The following SORL1 variants were observed in gnomAD, a reference collection of about 807,000 sequenced individuals.
SORL1 encodes sortilin related receptor 1.
In SORL1, 127 loss-of-function variants were observed where a neutral mutation model predicts 273.7. The observed-to-expected ratio is 0.46, with a 90% CI of 0.40 to 0.54. The LOEUF is 0.54. Ranked by LOEUF, SORL1 falls within the 20% of genes least tolerant of loss-of-function variation. SORL1 has a pLI of 0.00. For missense variants in SORL1, 2,494 were observed against 2,846.1 expected (o/e 0.88, Z 2.81); for synonymous variants, 1,031 against 1,067.4 (o/e 0.97, Z 0.66).
intron 2 of SORL1, among the ~76,000 whole-genome samples, chr11:121,472,694 A>G (rs1487778285): frequency 4.6e-5 from 7 of 152,182 alleles, no homozygotes; most frequent in Admixed American, 1.3e-4. Context: ...GAAGTGGGAT[A>G]CACTATTGTG....
chr11:121,530,180 A>G (rs1189800358), intron 11 of SORL1, among the ~76,000 whole-genome samples: 1 of 152,232 alleles, frequency 6.6e-6, no homozygotes, highest in African/African-American at 2.4e-5. Flanking sequence ...TTTGCTTCAA[A>G]TTATCATATG....
At chr11:121,468,488 T>A (rs1344055103) in intron 1 of SORL1, among the ~76,000 whole-genome samples, 3 of 152,188 alleles carry the variant, frequency 2.0e-5, no homozygotes, top group Non-Finnish European at 4.4e-5. Context: ...TAGCTCAACC[T>A]TGGCTCACTG....
intron 2 of SORL1, among the ~76,000 whole-genome samples, chr11:121,471,318 T>G (rs1389778845): frequency 6.6e-6 from 1 of 152,196 alleles, no homozygotes; most frequent in African/African-American, 2.4e-5. Flanking sequence ...GTCTGGAGTT[T>G]CATGTGAAAA....
chr11:121,555,064 C>T (rs1340775179), intron 17 of SORL1, 123 bp from the exon 18 acceptor site: 33 of 1,056,686 alleles, frequency 3.1e-5, no homozygotes, highest in African/African-American at 6.5e-5. Context: ...AGTTTACTAA[C>T]GTAAAACATC....
At chr11:121,562,056 A>G (rs1011911217) in intron 21 of SORL1, among the ~76,000 whole-genome samples, 12 of 152,074 alleles carry the variant, frequency 7.9e-5, no homozygotes, top group African/African-American at 2.9e-4. Flanking sequence ...GGACACTGAT[A>G]GGACACTTGC....
At chr11:121,477,377 G>A (rs977496316) in intron 2 of SORL1, among the ~76,000 whole-genome samples, 1 of 152,168 alleles carries the variant, frequency 6.6e-6, no homozygotes, top group African/African-American at 2.4e-5. Context: ...AATTAGATAC[G>A]TTTTGGGCAC....
intron 1 of SORL1, among the ~76,000 whole-genome samples, chr11:121,468,965 G>A (rs1861130302): frequency 6.6e-6 from 1 of 152,218 alleles, no homozygotes; most frequent in East Asian, 1.9e-4. Flanking sequence ...TCTAGATAGT[G>A]GTCATATTGC....
intron 41 of SORL1, 25 bp downstream of exon 41, chr11:121,615,080 C>A: frequency 1.3e-6 from 2 of 1,572,366 alleles, no homozygotes; most frequent in South Asian, 1.2e-5. Context: ...ATGACCATCA[C>A]AAAGTGAGTG....
At chr11:121,559,873 T>C (rs1314366723) in intron 21 of SORL1, among the ~76,000 whole-genome samples, 2 of 152,222 alleles carry the variant, frequency 1.3e-5, no homozygotes, top group Non-Finnish European at 2.9e-5. Flanking sequence ...CCTAGAGTGT[T>C]GGTGCTTGGT....
At chr11:121,628,728 A>G (rs1863834001) in intron 47 of SORL1, 1 of 152,240 alleles carries the variant, frequency 6.6e-6, no homozygotes. Flanking sequence ...GCTTCCCCAA[A>G]CTTAGACTAA....
intron 1 of SORL1, among the ~76,000 whole-genome samples, chr11:121,469,173 G>C (rs1861133885): frequency 1.3e-5 from 2 of 152,142 alleles, no homozygotes; most frequent in African/African-American, 4.8e-5. Context: ...TGCGGATGGG[G>C]AAAGAAAAGA....
rs761755708 is a variant in SORL1, at chr11:121,583,521, G to A, written c.3644G>A (p.Arg1215Gln). The change falls in exon 26 of 48, where the codon CGG becomes CAG. Residue 1215 changes from arginine (R) to glutamine (Q), a missense_variant. Arg to Gln is a conservative substitution (Grantham distance 43). Transcript: ENST00000260197. ...QCRNGHCIPQRWACDGDTDCQ... is the reference protein window; with the variant it reads ...QCRNGHCIPQQWACDGDTDCQ... ...CGAAACGGGCACTGCATCCCCCAGC[G>A]GTGGGCGTGTGACGGGGATACGGAC... 9.9e-6 allele frequency: 16 copies of A among 1,612,726 alleles called. No homozygotes were observed. Among genetic ancestry groups the A allele is most frequent in the Admixed American group, 1.7e-5 (1 of 59,850 alleles).
At position 121,558,754 on chromosome 11, in the gene SORL1, A is replaced by G. The variant is rs1862630480; in HGVS notation, c.2827A>G (p.Ile943Val). The change falls in exon 20 of 48, where the codon ATA becomes GTA. Residue 943 changes from isoleucine to valine, a missense_variant. Ile to Val is a conservative substitution (Grantham distance 29). Coordinates refer to ENST00000260197, the MANE Select transcript of SORL1 (RefSeq NM_003105.6). ...CTGGACGGATGCCTACCTGGAGTGC[A>G]TAGAGCGGATCACGTTCAGTGGCCA... Reference protein sequence around the residue: ...IYWTDAYLECIERITFSGQQR... With the variant: ...IYWTDAYLECVERITFSGQQR... 4.3e-6 allele frequency: 7 copies of G among 1,614,192 alleles called. No homozygotes were observed. Among genetic ancestry groups the G allele is most frequent in the Non-Finnish European group, 5.1e-6 (6 of 1,180,026 alleles).
At chr11:121,597,886 G>T (rs1047104347) in intron 32 of SORL1, among the ~76,000 whole-genome samples, 1 of 152,170 alleles carries the variant, frequency 6.6e-6, no homozygotes, top group Non-Finnish European at 1.5e-5. Flanking sequence ...TCCTGGAGAG[G>T]TGGGGACAGG....
chr11:121,565,984 C>G (rs1378093307), intron 21 of SORL1, among the ~76,000 whole-genome samples: 1 of 152,196 alleles, frequency 6.6e-6, no homozygotes, highest in Non-Finnish European at 1.5e-5. Flanking sequence ...CTGTGGTTGG[C>G]TCCTCCTTTA....
At chr11:121,562,704 A>T (rs762479323) in intron 21 of SORL1, among the ~76,000 whole-genome samples, 20 of 152,194 alleles carry the variant, frequency 1.3e-4, no homozygotes, top group Non-Finnish European at 2.5e-4. Flanking sequence ...TGGATATGCC[A>T]AAGGGAGGTT....
intron 6 of SORL1, among the ~76,000 whole-genome samples, chr11:121,500,898 C>T (rs1565316572): frequency 6.6e-6 from 1 of 152,090 alleles, no homozygotes; most frequent in Non-Finnish European, 1.5e-5. Context: ...ACTAAGCAAC[C>T]ACGAATTTCA....
intron 12 of SORL1, among the ~76,000 whole-genome samples, chr11:121,534,004 T>A (rs780001195): frequency 2.0e-5 from 3 of 152,256 alleles, no homozygotes; most frequent in Non-Finnish European, 4.4e-5. Context: ...TACCCATTAA[T>A]TTAATTTTCA....
chr11:121,538,036 T>C (rs1862291749), intron 12 of SORL1, among the ~76,000 whole-genome samples: 1 of 152,200 alleles, frequency 6.6e-6, no homozygotes, highest in Non-Finnish European at 1.5e-5. Context: ...TGCCTTAAAA[T>C]GTGGTACCTG....
Sources: allele counts gnomAD v4.1 joint callset (sites outside exome capture counted in the v4.1 genomes callset), GRCh38; gene constraint gnomAD v4.1.1; transcripts MANE v1.5; gene names NCBI Gene and HGNC (gene_info 2026-07-23, HGNC 2026-07-21).